CACUL1: variants seen among roughly 807,000 people sequenced by gnomAD.
CACUL1 encodes CDK2 associated cullin domain 1.
A neutral mutation model predicts 45.2 loss-of-function variants in CACUL1; 13 were observed. The ratio of observed to expected loss-of-function variants is 0.29; its 90% CI spans 0.19 to 0.46. The LOEUF (loss-of-function observed/expected upper bound fraction) is 0.46. CACUL1 is among the 20% of genes least tolerant of loss of function. The probability of loss-of-function intolerance (pLI) is 1.00; values close to 1 mark genes in which losing one functional copy is unlikely to be tolerated. For missense variants in CACUL1, 421 were observed against 471.4 expected (o/e 0.89, Z 0.99); for synonymous variants, 197 against 174.2 (o/e 1.13, Z -1.03).
intron 3 of CACUL1, among the ~76,000 whole-genome samples, chr10:118,708,333 T>TA (rs936551674): frequency 2.6e-5 from 4 of 151,974 alleles, no homozygotes; most frequent in African/African-American, 9.7e-5. Context: ...ATAATTACCT[T>TA]AAGCACAGAA....
At chr10:118,728,155 A>G (rs893500073) in intron 3 of CACUL1, among the ~76,000 whole-genome samples, 1 of 152,218 alleles carries the variant, frequency 6.6e-6, no homozygotes, top group Non-Finnish European at 1.5e-5. Flanking sequence ...GGGGAAAAAA[A>G]ACACAAAAAA....
rs1462692371 is a variant in CACUL1, at chr10:118,678,944, AG to A, written c.*7183del. On this transcript the variant is annotated 3_prime_UTR_variant, in exon 9 of 9. Coordinates refer to ENST00000369151, the MANE Select transcript of CACUL1 (RefSeq NM_153810.5). The stretch of plus-strand genomic sequence containing the variant: ...TCTGCAAGATCTATTAATTACTGAG[AG>A]GGGTATGTTGAAAATGCCCATTATG... 6.6e-6 allele frequency: 1 copy of A among 152,176 alleles called. No individual in the cohort carries two copies. Among genetic ancestry groups the A allele is most frequent in the Non-Finnish European group, 1.5e-5 (1 of 68,030 alleles). The allele number at this position is 152,176 out of a possible 1,614,324, so 9.4% of individuals were successfully genotyped here. A position where few individuals can be genotyped will look rare whatever the true frequency, so the allele number is the denominator to read the frequency against.
intron 5 of CACUL1, among the ~76,000 whole-genome samples, chr10:118,699,498 C>T (rs1300936419): frequency 6.6e-6 from 1 of 152,136 alleles, no homozygotes; most frequent in East Asian, 1.9e-4. Flanking sequence ...TATTTACAAA[C>T]TAGACCGGCT....
In CACUL1 at chr10:118,676,462, T is replaced by G. The variant is rs1486571301; in HGVS notation, c.*9666A>C. On this transcript the variant is annotated 3_prime_UTR_variant, in exon 9 of 9. Transcript: ENST00000369151. ...TATAAAAATTTCAACAACACACTTTTGCAAAATTGGTGGATGGAACTCAAA... is the reference window on the plus strand; with the variant it reads ...TATAAAAATTTCAACAACACACTTTGGCAAAATTGGTGGATGGAACTCAAA... 1 of 152,210 alleles carries G rather than the reference T, an allele frequency of 6.6e-6. No individual in the cohort carries two copies. Among genetic ancestry groups the G allele is most frequent in the Non-Finnish European group, 1.5e-5 (1 of 68,032 alleles). The allele number at this position is 152,210 out of a possible 1,614,324, so 9.4% of individuals were successfully genotyped here.
At chr10:118,747,916 C>T (rs1310078486) in intron 1 of CACUL1, among the ~76,000 whole-genome samples, 1 of 152,118 alleles carries the variant, frequency 6.6e-6, no homozygotes, top group African/African-American at 2.4e-5. Flanking sequence ...GAAACCCCAT[C>T]CCTACTAAAA....
intron 4 of CACUL1, among the ~76,000 whole-genome samples, chr10:118,705,266 G>C (rs556633425): frequency 6.6e-6 from 1 of 152,256 alleles, no homozygotes; most frequent in African/African-American, 2.4e-5. Flanking sequence ...AGCAAAAGTT[G>C]ATTTGGCAGT....
intron 6 of CACUL1, 87 bp from the exon 7 acceptor site, chr10:118,691,490 T>C (rs1048374746): frequency 1.5e-5 from 18 of 1,233,454 alleles, no homozygotes; most frequent in Admixed American, 2.1e-5. Context: ...TTAAAATATA[T>C]AGTAAGCCAA....
intron 4 of CACUL1, among the ~76,000 whole-genome samples, chr10:118,704,007 A>G (rs1845409398): frequency 6.6e-6 from 1 of 152,122 alleles, no homozygotes. Flanking sequence ...TTTACTGTAC[A>G]AAGGTTTCCA....
chr10:118,738,058 T>G (rs937044958), intron 1 of CACUL1, among the ~76,000 whole-genome samples: 4 of 152,238 alleles, frequency 2.6e-5, no homozygotes, highest in African/African-American at 9.6e-5. Context: ...CAATCTCTCC[T>G]TGGCATTAAG....
chr10:118,753,118 C>T (rs1298143084), intron 1 of CACUL1, among the ~76,000 whole-genome samples: 8 of 152,228 alleles, frequency 5.3e-5, no homozygotes, highest in African/African-American at 1.9e-4. Context: ...CTTCGTGACT[C>T]AGGTGAAGTC....
rs559144579 is a variant in CACUL1, at chr10:118,741,885, T to C, written c.368-11475A>G. On this transcript the variant is annotated intron_variant, in intron 1 of 8. Coordinates refer to ENST00000369151, the MANE Select transcript of CACUL1 (RefSeq NM_153810.5). ...GCCAGTCTCTCCTCCTACTCTGTAT[T>C]CCAAAAATAATTTCAATTCTGGGTC... Among the ~76,000 whole-genome samples the C allele has an allele frequency of 4.4e-4, 67 of 152,322 alleles. No individual in the cohort carries two copies. In the South Asian group the frequency reaches 0.014, roughly 32 times the overall value.
chr10:118,733,376 A>G (rs545329338), intron 1 of CACUL1, among the ~76,000 whole-genome samples: 1 of 152,350 alleles, frequency 6.6e-6, no homozygotes, highest in Admixed American at 6.5e-5. Context: ...TTTATTATAT[A>G]CAATATACAT....
At chr10:118,738,992 T>TAA (rs1554897224) in intron 1 of CACUL1, among the ~76,000 whole-genome samples, 2 of 145,718 alleles carry the variant, frequency 1.4e-5, no homozygotes, top group Admixed American at 7.0e-5. Context: ...GGTCAGGAGA[T>TAA]AGAGTCTCCT....
intron 4 of CACUL1, among the ~76,000 whole-genome samples, chr10:118,702,604 A>G (rs902971210): frequency 6.8e-6 from 1 of 146,854 alleles, no homozygotes; most frequent in Non-Finnish European, 1.5e-5. Context: ...TTTTTGAGAC[A>G]GAGTTTTGTT....
chr10:118,751,450 C>T (rs569499215), intron 1 of CACUL1, among the ~76,000 whole-genome samples: 68 of 152,254 alleles, frequency 4.5e-4, no homozygotes, highest in African/African-American at 1.6e-3. Context: ...GAGTCACTCT[C>T]CCTAACAACA....
At chr10:118,730,067 T>C (rs1845684195) in intron 2 of CACUL1, among the ~76,000 whole-genome samples, 1 of 152,224 alleles carries the variant, frequency 6.6e-6, no homozygotes. Context: ...GCATTATGTA[T>C]GGTGGAGGTG....
Position 118,701,383 on chromosome 10 carries a change from A to C in CACUL1, c.719T>G (p.Leu240Arg). Residue 240 changes from leucine (L) to arginine (R), a missense_variant, in exon 5 of 9, where the codon CTT becomes CGT. Around this residue, in one of 2 missense-constraint regions of CACUL1, gnomAD observed 208 missense variants for 298.4 expected, o/e 0.70. Coordinates refer to ENST00000369151, the MANE Select transcript of CACUL1 (RefSeq NM_153810.5). ...AAGGTCATCTTTTAAGTCTCTGTTA[A>C]GCTTGGTTTCGATGTAAAACTTATT... ...YMNKFYIETK[L>R]NRDLKDDLIK... 1 of 1,563,994 alleles carries C rather than the reference A, an allele frequency of 6.4e-7. No homozygotes were observed. Among genetic ancestry groups the C allele is most frequent in the Non-Finnish European group, 8.7e-7 (1 of 1,146,290 alleles).
intron 5 of CACUL1, among the ~76,000 whole-genome samples, chr10:118,699,219 C>T (rs555901258): frequency 6.6e-6 from 1 of 152,334 alleles, no homozygotes; most frequent in Admixed American, 6.5e-5. Flanking sequence ...CCAGTTATCA[C>T]TTCTCTAAGT....
In CACUL1 at chr10:118,691,291, T is replaced by A; in HGVS notation, c.999A>T (p.Arg333Ser). The A allele has an allele frequency of 6.2e-7, 1 of 1,613,672 alleles. No individual in the cohort carries two copies. The highest frequency in any genetic ancestry group is 8.5e-7 in the Non-Finnish European group (1 of 1,179,780). The change falls in exon 7 of 9, where the codon AGA becomes AGT. Residue 333 changes from arginine (R) to serine (S), a missense_variant. Coordinates refer to ENST00000369151, the MANE Select transcript of CACUL1 (RefSeq NM_153810.5). ...TTGTAAAACCATTCTGTATAAGTTC[T>A]CTTTGAAATTTCTGATCTTGAGCAG... ...EYAAQDQKFQ[R>S]ELIQNGFTRG...
Sources: gnomAD v4.1 joint callset for allele counts (sites outside exome capture counted in the v4.1 genomes callset) on GRCh38, gnomAD v4.1.1 for gene constraint, gnomAD v4.1.1 regional missense constraint, MANE v1.5 for transcripts, NCBI Gene and HGNC (gene_info 2026-07-23, HGNC 2026-07-21) for gene names.